Variants in CLCNKB observed in about 807,000 individuals in gnomAD.
CLCNKB encodes the protein chloride voltage-gated channel Kb, also known as chloride channel protein ClC-Kb.
CLCNKB carries 74 observed loss-of-function variants against 83.8 expected under a neutral mutation model. The ratio of observed to expected loss-of-function variants is 0.88; its 90% CI spans 0.73 to 1.07. CLCNKB has a LOEUF of 1.07. Among genes scored for constraint, CLCNKB ranks in the 50% least tolerant of loss-of-function variants. The pLI is 0.00. For missense variants in CLCNKB, 798 were observed against 893.6 expected, an observed-to-expected ratio of 0.89 and a Z score of 1.36; for synonymous variants, 358 against 356.6, an observed-to-expected ratio of 1.00 and a Z score of -0.04.
intron 14 of CLCNKB, 97 bp downstream of exon 14, chr1:16,051,917 T>C (rs1292246555): frequency 9.4e-7 from 1 of 1,065,082 alleles, no homozygotes; most frequent in African/African-American, 1.6e-5. Flanking sequence ...GAGCAGTCAC[T>C]GAGTCCTCCA....
chr1:16,047,032 T>C (rs2023122901), intron 4 of CLCNKB, among the ~76,000 whole-genome samples: 1 of 152,110 alleles, frequency 6.6e-6, no homozygotes, highest in African/African-American at 2.4e-5. Context: ...TGGCCTGAGA[T>C]TTCATCCGGG....
chr1:16,052,200 G>C lies in CLCNKB; in HGVS notation c.1411G>C (p.Ala471Pro). ...CCTGCCTGACTCTGCCCTTGCAGGG[G>C]CTGCAGCCTTCTCAGGGGCTGTGAC... is the stretch of plus-strand genomic sequence containing the variant. ...IMPGGYALAG[A>P]AAFSGAVTHT... Residue 471 changes from alanine (A) to proline (P), a missense_variant and splice_region_variant, in exon 15 of 20, where the codon GCT (alanine) becomes CCT (proline). By Grantham distance (27) the Ala-to-Pro change is conservative. Coordinates refer to ENST00000375679, the MANE Select transcript of CLCNKB (RefSeq NM_000085.5). 1 of 1,612,944 alleles carries C rather than the reference G, an allele frequency of 6.2e-7. No homozygotes were observed. The highest frequency in any genetic ancestry group is 8.5e-7 in the Non-Finnish European group (1 of 1,179,944).
Position 16,048,398 on chromosome 1 carries a change from C to A in CLCNKB, c.554C>A (p.Thr185Asn), listed in dbSNP as rs753923271. The change falls in exon 6 of 20, where the codon ACC (threonine) becomes AAC (asparagine). Residue 185 changes from threonine to asparagine, a missense_variant. Coordinates refer to ENST00000375679, the MANE Select transcript of CLCNKB (RefSeq NM_000085.5). ...MMAAYLGRVR[T>N]TTIGEPENKS... ...GCTGCCTACCTGGGCCGTGTGCGCA[C>A]CACGACCATCGGGGAGCCTGAGGTT... is the stretch of plus-strand genomic sequence containing the variant. 1 of 1,614,024 alleles carries A rather than the reference C, an allele frequency of 6.2e-7. No individual in the cohort carries two copies. Among genetic ancestry groups the A allele is most frequent in the Non-Finnish European group, 8.5e-7 (1 of 1,180,004 alleles).
chr1:16,055,809 AG>A, intron 18 of CLCNKB, 51 bp downstream of exon 18: 2 of 1,545,736 alleles, frequency 1.3e-6, no homozygotes, highest in Non-Finnish European at 1.8e-6. Flanking sequence ...GGGTGGGGGA[AG>A]AGCTGATGAG....
chr1:16,049,314 C>T lies in CLCNKB; in HGVS notation c.781+69C>T, dbSNP rs2275164. 3.6e-4 allele frequency: 568 copies of T among 1,596,432 alleles called. 1 individual carries two copies. In the East Asian group the frequency reaches 9.0e-3, roughly 25 times the overall value. On this transcript the variant is annotated intron_variant, in intron 8 of 19. Transcript: ENST00000375679. ...GGGGCGAGGGGGCCCTCCCTTCTCCCCTGTGTACACCCCTTGCTCTTCCTT... is the reference window on the plus strand; with the variant it reads ...GGGGCGAGGGGGCCCTCCCTTCTCCTCTGTGTACACCCCTTGCTCTTCCTT...
At chr1:16,045,998 G>T (rs2023089072) in intron 3 of CLCNKB, among the ~76,000 whole-genome samples, 1 of 152,218 alleles carries the variant, frequency 6.6e-6, no homozygotes, top group South Asian at 2.1e-4. Flanking sequence ...CTGGGGCAGA[G>T]TGGGGGCACT....
intron 2 of CLCNKB, among the ~76,000 whole-genome samples, chr1:16,045,350 G>A (rs1233202368): frequency 2.0e-5 from 3 of 152,162 alleles, no homozygotes; most frequent in African/African-American, 4.8e-5. Context: ...AGCAGTCCTG[G>A]CACCCACTGT....
chr1:16,050,546 G>C lies in CLCNKB; in HGVS notation c.999G>C (p.Leu333Phe). The stretch of plus-strand genomic sequence containing the variant: ...CTGTGTACTCCGCTCTGGCCACCTT[G>C]GTTCTCGCCTCCATCACCTACCCAC... The part of the protein sequence containing the change: ...SKPVYSALAT[L>F]VLASITYPPS... Residue 333 changes from leucine to phenylalanine, a missense_variant, in exon 11 of 20, where the codon TTG becomes TTC. Physicochemically the swap from Leu to Phe is conservative, Grantham distance 22. Coordinates refer to ENST00000375679, the MANE Select transcript of CLCNKB (RefSeq NM_000085.5). 6.2e-7 allele frequency: 1 copy of C among 1,614,100 alleles called. No homozygotes were observed. The highest frequency in any genetic ancestry group is 1.3e-5 in the African/African-American group (1 of 75,026).
chr1:16,044,266 A>G (rs375670373), intron 1 of CLCNKB, among the ~76,000 whole-genome samples: 7 of 151,774 alleles, frequency 4.6e-5, no homozygotes, highest in African/African-American at 1.5e-4. Context: ...TCCCACCCCC[A>G]TCCCACACAA....
At chr1:16,052,046 C>T in intron 14 of CLCNKB, 152 bp from the exon 15 acceptor site, 1 of 1,071,698 alleles carries the variant, frequency 9.3e-7, no homozygotes, top group Non-Finnish European at 1.4e-6. Flanking sequence ...CCTCTCCTCT[C>T]ACCAAGCCCA....
At chr1:16,044,307 G>C (rs575846729) in intron 1 of CLCNKB, among the ~76,000 whole-genome samples, 179 bp from the exon 2 acceptor site, 1 of 151,350 alleles carries the variant, frequency 6.6e-6, no homozygotes, top group African/African-American at 2.4e-5. Flanking sequence ...CCTCAGTGAC[G>C]GAAACTCAGG....
Position 16,049,872 on chromosome 1 carries a change from C to G in CLCNKB, c.924C>G (p.Gly308=). The change falls in exon 10 of 20, where the codon GGC becomes GGG. Residue 308 remains glycine, a synonymous_variant. Transcript: ENST00000375679. ...AYLFCQRIFF[G]FIRNNRFSSK... is the part of the protein sequence containing the mutation. ...TCTTCTGTCAGCGAATCTTCTTTGG[C>G]TTCATCAGGAACAATAGGTTCAGCT... The G allele has an allele frequency of 6.2e-7, 1 of 1,613,940 alleles. No individual in the cohort carries two copies. The highest frequency in any genetic ancestry group is 8.5e-7 in the Non-Finnish European group (1 of 1,179,934).
rs757058113 is a variant in CLCNKB, at chr1:16,048,529, T to G, written c.602T>G (p.Leu201Arg). The change falls in exon 7 of 20, where the codon CTG becomes CGG. Residue 201 changes from leucine to arginine, a missense_variant. Leu to Arg is a moderately radical substitution (Grantham distance 102, BLOSUM62 -2). Coordinates refer to ENST00000375679, the MANE Select transcript of CLCNKB (RefSeq NM_000085.5). ...AACAAGAGCAAGCAAAACGAAATGC[T>G]GGTGGCAGCGGCGGCAGTGGGCGTG... ...PENKSKQNEM[L>R]VAAAAVGVAT... 6.2e-6 allele frequency: 10 copies of G among 1,613,250 alleles called. No homozygotes were observed. The highest frequency in any genetic ancestry group is 8.5e-6 in the Non-Finnish European group (10 of 1,179,668).
intron 15 of CLCNKB, 65 bp downstream of exon 15, chr1:16,052,476 G>A: frequency 7.5e-6 from 12 of 1,606,680 alleles, no homozygotes; most frequent in Non-Finnish European, 9.4e-6. Context: ...CTGGGGTGAA[G>A]GGCACCTCGA....
At chr1:16,049,779 G>T (rs1246053561) in intron 9 of CLCNKB, 36 bp from the exon 10 acceptor site, 23 of 1,613,538 alleles carry the variant, frequency 1.4e-5, no homozygotes, top group Non-Finnish European at 1.9e-5. Context: ...CTGGTACTGG[G>T]GTCGGGCTCT....
Position 16,045,696 on chromosome 1 carries a change from C to T in CLCNKB, c.229+10C>T, listed in dbSNP as rs1248336976. 6.2e-7 allele frequency: 1 copy of T among 1,612,398 alleles called. No individual in the cohort carries two copies. The highest frequency in any genetic ancestry group is 1.7e-5 in the Admixed American group (1 of 59,976). Reference sequence around the variant, plus strand: ...GAGAGTGTGGTCCGAGGTAACCCCTCCATGGCAGGTGCTGCTCTGGGCCAA... The same window carrying T: ...GAGAGTGTGGTCCGAGGTAACCCCTTCATGGCAGGTGCTGCTCTGGGCCAA... On this transcript the variant is annotated intron_variant, in intron 3 of 19. Transcript: ENST00000375679.
Position 16,048,015 on chromosome 1 carries a change from T to G in CLCNKB, c.469T>G (p.Cys157Gly). 6.2e-7 allele frequency: 1 copy of G among 1,614,020 alleles called. No homozygotes were observed. The highest frequency in any genetic ancestry group is 8.5e-7 in the Non-Finnish European group (1 of 1,179,960). Residue 157 changes from cysteine (C) to glycine (G), a missense_variant, in exon 5 of 20, where the codon TGT becomes GGT. By Grantham distance (159) the Cys-to-Gly change is radical. Transcript: ENST00000375679. ...KVVGLSCTLA[C>G]GSTLFLGKVG... ...GGTGGGCCTCTCCTGCACCCTGGCCTGTGGCAGCACCCTCTTCCTCGGGAA... is the reference window on the plus strand; with the variant it reads ...GGTGGGCCTCTCCTGCACCCTGGCCGGTGGCAGCACCCTCTTCCTCGGGAA...
intron 15 of CLCNKB, among the ~76,000 whole-genome samples, chr1:16,053,095 A>G (rs2023343060): frequency 6.6e-6 from 1 of 151,954 alleles, no homozygotes; most frequent in Non-Finnish European, 1.5e-5. Flanking sequence ...CAGTGGCACA[A>G]TCTCAGTCAC....
Position 16,052,398 on chromosome 1 carries a change from G to A in CLCNKB, c.1609G>A (p.Gly537Ser). Reference protein sequence around the residue: ...KKLPYLPRILGRNIGSHRVRV... With the variant: ...KKLPYLPRILSRNIGSHRVRV... ...GCTGCCATACCTGCCACGGATTCTG[G>A]GCCGCAACATCGGGTGAGTGGTGCC... The change falls in exon 15 of 20, where the codon GGC becomes AGC. Residue 537 changes from glycine (G) to serine (S), a missense_variant. By Grantham distance (56) the Gly-to-Ser change is moderately conservative (BLOSUM62 0). Transcript: ENST00000375679. 4 of 1,613,562 alleles carry A rather than the reference G, an allele frequency of 2.5e-6. No homozygotes were observed. The African/African-American group carries it at 5.3e-5, about 22-fold the overall frequency.
Sources: gnomAD v4.1 joint callset for allele counts (sites outside exome capture counted in the v4.1 genomes callset) on GRCh38, gnomAD v4.1.1 for gene constraint, MANE v1.5 for transcripts, NCBI Gene and HGNC (gene_info 2026-07-23, HGNC 2026-07-21) for gene names.